SCAI: variants seen among roughly 807,000 people sequenced by gnomAD.
SCAI encodes the protein protein SCAI.
A neutral mutation model predicts 92.2 loss-of-function variants in SCAI; 24 were observed. The observed-to-expected ratio is 0.26, with a 90% CI of 0.19 to 0.37. The LOEUF is 0.37. SCAI is among the 10% of genes least tolerant of loss of function. The probability of loss-of-function intolerance (pLI) is 1.00; values close to 1 mark genes in which losing one functional copy is unlikely to be tolerated. For synonymous variants in SCAI, 261 were observed against 258.6 expected (o/e 1.01, Z -0.09); for missense variants, 450 against 736.2 (o/e 0.61, Z 4.50).
Position 124,949,694 on chromosome 9 carries a change from A to AT in SCAI, c.*3112dup, listed in dbSNP as rs1194702010. Reference sequence around the variant, plus strand: ...CAAACAAAAGATTTACCTTACCATAATCTACACTTTTCCATCCTACTTAAC... The same window carrying AT: ...CAAACAAAAGATTTACCTTACCATAATTCTACACTTTTCCATCCTACTTAAC... On this transcript the variant is annotated 3_prime_UTR_variant, in exon 18 of 18. Coordinates refer to ENST00000336505, the MANE Select transcript of SCAI (RefSeq NM_001144877.3). The surrounding 1 kb of genome is among the most constrained non-coding windows in gnomAD (Gnocchi z 4.0). 1 of 152,132 alleles carries AT rather than the reference A, an allele frequency of 6.6e-6. No individual in the cohort carries two copies. The highest frequency in any genetic ancestry group is 1.5e-5 in the Non-Finnish European group (1 of 68,034). The allele number at this position is 152,132 out of a possible 1,614,324, so 9.4% of individuals were successfully genotyped here.
At chr9:125,030,710 A>T (rs1198302650) in intron 3 of SCAI, among the ~76,000 whole-genome samples, 1 of 152,222 alleles carries the variant, frequency 6.6e-6, no homozygotes, top group East Asian at 1.9e-4. Flanking sequence ...GCCTGAGAAA[A>T]CTGAGAAAGC....
At chr9:124,958,544 A>T (rs1831366616) in intron 17 of SCAI, among the ~76,000 whole-genome samples, 1 of 152,208 alleles carries the variant, frequency 6.6e-6, no homozygotes, top group Admixed American at 6.5e-5. Context: ...CTCACACTTT[A>T]AACAAAAATT....
chr9:125,029,610 C>T, intron 4 of SCAI, 34 bp downstream of exon 4: 1 of 1,275,634 alleles, frequency 7.8e-7, no homozygotes. Context: ...ACAAAACAGG[C>T]CTTCACTCTC....
chr9:125,090,281 T>C (rs936682315), intron 2 of SCAI, among the ~76,000 whole-genome samples: 4 of 151,800 alleles, frequency 2.6e-5, no homozygotes, highest in Non-Finnish European at 5.9e-5. Flanking sequence ...AAGGTCTAGA[T>C]TTCAAGAAAG....
At chr9:125,074,258 C>CA (rs1160696426) in intron 2 of SCAI, among the ~76,000 whole-genome samples, 2,247 of 84,758 alleles carry the variant, frequency 0.027, 90 homozygotes, top group East Asian at 0.22. Context: ...GACTCCATAT[C>CA]AAAAAAAAAA....
intron 2 of SCAI, among the ~76,000 whole-genome samples, chr9:125,066,460 A>ATTTTT (rs372205559): frequency 7.2e-6 from 1 of 138,376 alleles, no homozygotes; most frequent in Admixed American, 7.2e-5. Context: ...TTATTTATTT[A>ATTTTT]TTTATTTTTT....
chr9:124,992,442 G>A (rs936918065), intron 14 of SCAI, among the ~76,000 whole-genome samples: 1 of 150,862 alleles, frequency 6.6e-6, no homozygotes, highest in East Asian at 2.0e-4. Flanking sequence ...GGAGTGCAAT[G>A]GCACGATCTT....
chr9:125,143,469 G>T lies in SCAI; in HGVS notation c.-32C>A, dbSNP rs1459883193. ...CCTGCTCCGCCGCGGGAGCTGCTCCGGCGGCCGCAGGGCTCGCTCGGGAAG... is the reference window on the plus strand; with the variant it reads ...CCTGCTCCGCCGCGGGAGCTGCTCCTGCGGCCGCAGGGCTCGCTCGGGAAG... On this transcript the variant is annotated 5_prime_UTR_variant, in exon 1 of 18. Transcript: ENST00000336505. 5.2e-6 allele frequency: 7 copies of T among 1,336,630 alleles called. No individual in the cohort carries two copies. Among genetic ancestry groups the T allele is most frequent in the Non-Finnish European group, 6.7e-6 (7 of 1,043,476 alleles). 82.8% of individuals were successfully genotyped at this position (1,336,630 alleles called of 1,614,324 possible).
At chr9:124,979,536 T>C (rs1831835311) in intron 14 of SCAI, among the ~76,000 whole-genome samples, 1 of 151,922 alleles carries the variant, frequency 6.6e-6, no homozygotes, top group Non-Finnish European at 1.5e-5. Flanking sequence ...GAAGACTCCA[T>C]CTCAAAAAAT....
chr9:124,962,990 G>A (rs1189577194), intron 17 of SCAI, among the ~76,000 whole-genome samples: 5 of 150,948 alleles, frequency 3.3e-5, no homozygotes, highest in African/African-American at 1.2e-4. Flanking sequence ...GTAGAGATGG[G>A]GTTTCACCAT....
At chr9:124,984,161 A>T (rs1410868345) in intron 14 of SCAI, among the ~76,000 whole-genome samples, 1 of 152,218 alleles carries the variant, frequency 6.6e-6, no homozygotes, top group Non-Finnish European at 1.5e-5. Flanking sequence ...AGGCAGAGGG[A>T]AAAGAATGTA....
At chr9:125,128,639 G>C (rs923717491) in intron 2 of SCAI, among the ~76,000 whole-genome samples, 2 of 152,036 alleles carry the variant, frequency 1.3e-5, no homozygotes, top group Non-Finnish European at 2.9e-5. Flanking sequence ...TGTGGTCCCA[G>C]CTGCTTGGGA....
rs553825445 is a variant in SCAI at position 124,942,958 on chromosome 9, G to C, written c.*9849C>G. The stretch of plus-strand genomic sequence containing the variant: ...AATTCATTTAGTGAAGTAGTGGAAG[G>C]CTATCTTTTATGACAAATCACATCT... On this transcript the variant is annotated 3_prime_UTR_variant, in exon 18 of 18. Transcript: ENST00000336505. 3.3e-4 allele frequency: 50 copies of C among 152,294 alleles called. No individual in the cohort carries two copies. The highest frequency in any genetic ancestry group is 1.1e-3 in the African/African-American group (47 of 41,568). The allele number at this position is 152,294 out of a possible 1,614,324, so 9.4% of individuals were successfully genotyped here. A position where few individuals can be genotyped will look rare whatever the true frequency, so the allele number is the denominator to read the frequency against.
At chr9:125,076,630 C>T (rs955753887) in intron 2 of SCAI, among the ~76,000 whole-genome samples, 7 of 152,024 alleles carry the variant, frequency 4.6e-5, no homozygotes, top group African/African-American at 7.2e-5. Context: ...TTTGGGAGGT[C>T]GAGGCAGGCA....
intron 17 of SCAI, among the ~76,000 whole-genome samples, chr9:124,967,979 C>T (rs1454061522): frequency 6.6e-6 from 1 of 152,170 alleles, no homozygotes; most frequent in East Asian, 1.9e-4. Flanking sequence ...ATTTCTCCTG[C>T]TGGAATTTTT....
rs747802132 is a variant in SCAI at position 124,944,853 on chromosome 9, A to G, written c.*7954T>C. The G allele has an allele frequency of 1.2e-4, 18 of 152,236 alleles. No homozygotes were observed. Among genetic ancestry groups the G allele is most frequent in the Non-Finnish European group, 2.4e-4 (16 of 68,038 alleles). 9.4% of individuals were successfully genotyped at this position (152,236 alleles called of 1,614,324 possible). ...AACTTTTAATCATGGCAAAGTGGAC[A>G]TTCACAACAGCTTCAGAAGAGAAAA... On this transcript the variant is annotated 3_prime_UTR_variant, in exon 18 of 18. Coordinates refer to ENST00000336505, the MANE Select transcript of SCAI (RefSeq NM_001144877.3).
chr9:125,056,056 G>GA, intron 2 of SCAI, 49 bp from the exon 3 acceptor site: 1 of 1,414,846 alleles, frequency 7.1e-7, no homozygotes, highest in Non-Finnish European at 9.7e-7. Context: ...AATAAAAATA[G>GA]AAAAAAACCT....
chr9:124,994,899 A>G, intron 14 of SCAI, 35 bp downstream of exon 14: 1 of 1,485,792 alleles, frequency 6.7e-7, no homozygotes, highest in Non-Finnish European at 9.4e-7. Context: ...TGGTGCCACA[A>G]TGTCTACCTG....
intron 2 of SCAI, among the ~76,000 whole-genome samples, chr9:125,077,964 A>AC (rs11458422): frequency 0.14 from 19,985 of 147,788 alleles, 1,413 homozygotes; most frequent in East Asian, 0.23. Context: ...AGTGATCCAC[A>AC]CCCCCCCCGC....
Sources: gnomAD v4.1 joint callset for allele counts (sites outside exome capture counted in the v4.1 genomes callset) on GRCh38, gnomAD v4.1.1 for gene constraint, Gnocchi (gnomAD v3.1) non-coding constraint, MANE v1.5 for transcripts, NCBI Gene and HGNC (gene_info 2026-07-23, HGNC 2026-07-21) for gene names.